Variants in CFI observed in about 807,000 individuals in gnomAD.
CFI encodes complement factor I, also known as C3B/C4B inactivator.
CFI carries 66 observed loss-of-function variants against 78.8 expected under a neutral mutation model. That is an observed-to-expected ratio of 0.84 (90% CI 0.69 to 1.03). The LOEUF is 1.03. Among genes scored for constraint, CFI ranks in the 50% least tolerant of loss-of-function variants. The pLI, the probability that CFI is intolerant of heterozygous loss-of-function variation, is 0.00. For synonymous variants in CFI, 250 were observed against 232.6 expected, an observed-to-expected ratio of 1.07 and a Z score of -0.68; for missense variants, 706 against 704.5, an observed-to-expected ratio of 1.00 and a Z score of -0.02.
At chr4:109,796,635 C>T (rs186497665) in intron 1 of CFI, among the ~76,000 whole-genome samples, 24 of 152,202 alleles carry the variant, frequency 1.6e-4, no homozygotes, top group African/African-American at 3.6e-4. Context: ...GGTCCCATCA[C>T]TACAAAAAAT....
chr4:109,741,674 T>G (rs1316162827), intron 12 of CFI, among the ~76,000 whole-genome samples: 1 of 152,202 alleles, frequency 6.6e-6, no homozygotes, highest in Non-Finnish European at 1.5e-5. Context: ...GCTATTCACC[T>G]ATTTTGTCCA....
intron 7 of CFI, among the ~76,000 whole-genome samples, chr4:109,753,816 T>TTTATATTATATATTATATAATGTATAATC (rs1579193887): frequency 2.2e-5 from 2 of 92,186 alleles, no homozygotes; most frequent in African/African-American, 4.3e-5. Flanking sequence ...AATGTATAAT[T>TTTATATTATATATTATATAATGTATAATC]TTATATTATA....
At chr4:109,766,968 A>G in intron 1 of CFI, 144 bp from the exon 2 acceptor site, 3 of 733,730 alleles carry the variant, frequency 4.1e-6, no homozygotes, top group Non-Finnish European at 6.8e-6. Context: ...AGAATCAGAA[A>G]TAATGCCGCA....
At chr4:109,771,030 G>C (rs1465197253) in intron 1 of CFI, among the ~76,000 whole-genome samples, 1 of 152,100 alleles carries the variant, frequency 6.6e-6, no homozygotes, top group East Asian at 1.9e-4. Context: ...GTTAGGGGTG[G>C]GAGACGGGTG....
downstream of CFI, among the ~76,000 whole-genome samples, chr4:109,740,269 CA>C (rs1414068372): frequency 6.7e-6 from 1 of 148,900 alleles, no homozygotes; most frequent in East Asian, 2.0e-4. Flanking sequence ...CCATCCAGGG[CA>C]ACAGAGGGAG....
chr4:109,731,447 A>G, the CFI span, among the ~76,000 whole-genome samples: 1 of 152,236 alleles, frequency 6.6e-6, no homozygotes, highest in Non-Finnish European at 1.5e-5. Flanking sequence ...TACAAACTAA[A>G]TGAGCTTATA....
intron 12 of CFI, 71 bp from the exon 13 acceptor site, chr4:109,741,181 T>A: frequency 6.2e-7 from 1 of 1,608,374 alleles, no homozygotes; most frequent in Non-Finnish European, 8.5e-7. Flanking sequence ...GCCTCCTCCA[T>A]GGCATTTAAC....
chr4:109,756,354 C>A (rs1000853381), intron 7 of CFI, among the ~76,000 whole-genome samples: 2 of 145,850 alleles, frequency 1.4e-5, no homozygotes, highest in African/African-American at 5.0e-5. Flanking sequence ...AGAGAAGAAG[C>A]AGCAGGAGGA....
chr4:109,749,441 C>G, intron 9 of CFI, 58 bp downstream of exon 9: 1 of 1,499,106 alleles, frequency 6.7e-7, no homozygotes, highest in Non-Finnish European at 9.3e-7. Context: ...CTGCCCCTTT[C>G]CCCCCAAATT....
At chr4:109,747,437 G>A (rs183518095) in intron 10 of CFI, among the ~76,000 whole-genome samples, 3 of 152,264 alleles carry the variant, frequency 2.0e-5, no homozygotes, top group East Asian at 3.9e-4. Context: ...GATTATAGGC[G>A]TGAGCCACCG....
Position 109,789,042 on chromosome 4 carries a change from T to C in CFI, c.57+12873A>G, listed in dbSNP as rs569854684. ...ACAGATGATATGAAAAGGATCCAAA[T>C]TGAACTTCTAGGGATAAAAACTACA... On this transcript the variant is annotated intron_variant, in intron 1 of 12. Transcript: ENST00000394634. Among the ~76,000 whole-genome samples the C allele has an allele frequency of 1.1e-4, 17 of 151,864 alleles. No homozygotes were observed. The South Asian group carries it at 3.3e-3, about 30-fold the overall frequency.
intron 1 of CFI, among the ~76,000 whole-genome samples, chr4:109,798,880 G>C (rs1248323142): frequency 3.1e-5 from 4 of 128,244 alleles, no homozygotes; most frequent in African/African-American, 1.6e-4. Flanking sequence ...TTCAATGCAA[G>C]AGGAGGGAGA....
intron 4 of CFI, 123 bp from the exon 5 acceptor site, chr4:109,760,759 G>T: frequency 1.4e-6 from 1 of 703,998 alleles, no homozygotes; most frequent in Non-Finnish European, 2.6e-6. Context: ...TGTATAAAAC[G>T]TATTGGTATT....
At chr4:109,743,365 T>C (rs1724035429) in intron 11 of CFI, among the ~76,000 whole-genome samples, 1 of 152,240 alleles carries the variant, frequency 6.6e-6, no homozygotes, top group Non-Finnish European at 1.5e-5. Flanking sequence ...AGGAGATAGT[T>C]TGTGCCTTGG....
intron 1 of CFI, among the ~76,000 whole-genome samples, chr4:109,773,428 A>T (rs758726954): frequency 1.3e-5 from 2 of 152,160 alleles, no homozygotes; most frequent in African/African-American, 4.8e-5. Context: ...AGGCAGGAGA[A>T]TCGCTTGAAC....
downstream of CFI, among the ~76,000 whole-genome samples, chr4:109,739,194 C>A (rs1351510905): frequency 6.6e-6 from 1 of 151,672 alleles, no homozygotes; most frequent in African/African-American, 2.4e-5. Context: ...AGGGATCTAT[C>A]CAAGACTGGC....
At chr4:109,777,300 C>T (rs957005920) in intron 1 of CFI, among the ~76,000 whole-genome samples, 16 of 151,900 alleles carry the variant, frequency 1.1e-4, no homozygotes. Context: ...AAATGGAAAA[C>T]AAAACAAAAC....
chr4:109,795,341 C>T (rs11932501), intron 1 of CFI, among the ~76,000 whole-genome samples: 27,186 of 152,128 alleles, frequency 0.18, 4,608 homozygotes, highest in African/African-American at 0.43. Flanking sequence ...CTGACCCACC[C>T]AGAATCTCTG....
chr4:109,792,385 G>A (rs1315159068), intron 1 of CFI, among the ~76,000 whole-genome samples: 2 of 152,114 alleles, frequency 1.3e-5, no homozygotes, highest in Non-Finnish European at 2.9e-5. Flanking sequence ...AGATCAGCCT[G>A]GGCAACATGG....
Sources: allele counts gnomAD v4.1 joint callset (sites outside exome capture counted in the v4.1 genomes callset), GRCh38; gene constraint gnomAD v4.1.1; transcripts MANE v1.5; gene names NCBI Gene and HGNC (gene_info 2026-07-23, HGNC 2026-07-21).